Variants in AHI1 observed in about 807,000 individuals in gnomAD.
AHI1 encodes the protein jouberin.
A neutral mutation model predicts 149.3 loss-of-function variants in AHI1; 123 were observed. The observed-to-expected ratio is 0.82, with a 90% CI of 0.71 to 0.96. The LOEUF (loss-of-function observed/expected upper bound fraction) is 0.96, where lower values mean the gene tolerates loss of function less well. Among genes scored for constraint, AHI1 ranks in the 40% least tolerant of loss-of-function variants. The pLI, the probability that AHI1 is intolerant of heterozygous loss-of-function variation, is 0.00. For synonymous variants in AHI1, 475 were observed against 459.8 expected (o/e 1.03, Z -0.42); for missense variants, 1,439 against 1,422.7 (o/e 1.01, Z -0.18).
At position 135,404,886 on chromosome 6, in the gene AHI1, A is replaced by C. The variant is rs1341314884; in HGVS notation, c.2988+65T>G. ...AGGTTCCAAACTCTATGAATGGTGC[A>C]TTCCAGTTCTTTGGAGCATCACTAT... On this transcript the variant is annotated intron_variant, in intron 22 of 28. Coordinates refer to ENST00000265602, the MANE Select transcript of AHI1 (RefSeq NM_001134831.2). 7.7e-6 allele frequency: 11 copies of C among 1,432,276 alleles called. No individual in the cohort carries two copies. The Middle Eastern group carries it at 1.0e-3, about 136-fold the overall frequency. 88.7% of individuals were successfully genotyped at this position (1,432,276 alleles called of 1,614,324 possible).
At position 135,290,446 on chromosome 6, in the gene AHI1, CTGCT is replaced by C; in HGVS notation, c.3561_3564del (p.Gly1189GlufsTer5). On this transcript the variant is annotated frameshift_variant, in exon 28 of 29. Coordinates refer to ENST00000265602, the MANE Select transcript of AHI1 (RefSeq NM_001134831.2). LOFTEE classifies it high-confidence loss of function. ...ACCTCTATTAGAGTGACTTTTCTGC[CTGCT>C]TGCTTGTTCTTCCTCATCCGTGTAT... The C allele has an allele frequency of 1.9e-6, 3 of 1,608,780 alleles. No homozygotes were observed. Among genetic ancestry groups the C allele is most frequent in the Non-Finnish European group, 2.6e-6 (3 of 1,175,210 alleles).
intron 20 of AHI1, among the ~76,000 whole-genome samples, chr6:135,424,268 C>A (rs1308847324): frequency 6.6e-6 from 1 of 151,888 alleles, no homozygotes; most frequent in Non-Finnish European, 1.5e-5. Flanking sequence ...AAGATTATTG[C>A]AGAAACTTAA....
At chr6:135,350,850 G>C (rs1477261248) in intron 24 of AHI1, among the ~76,000 whole-genome samples, 1 of 152,110 alleles carries the variant, frequency 6.6e-6, no homozygotes, top group Non-Finnish European at 1.5e-5. Context: ...ACAGACAGCA[G>C]ATCATGCAAA....
chr6:135,413,333 G>C (rs1256077665), intron 20 of AHI1, among the ~76,000 whole-genome samples: 2 of 152,070 alleles, frequency 1.3e-5, no homozygotes, highest in Middle Eastern at 3.2e-3. Context: ...TCATATTTAA[G>C]ACTTAAATAT....
At chr6:135,478,562 TAAAG>T (rs1482970108) in intron 5 of AHI1, among the ~76,000 whole-genome samples, 2 of 152,274 alleles carry the variant, frequency 1.3e-5, no homozygotes, top group East Asian at 3.9e-4. Context: ...CTCATTTGCA[TAAAG>T]AAAGAAATGA....
At chr6:135,294,827 C>A (rs1283115517) in intron 27 of AHI1, among the ~76,000 whole-genome samples, 1 of 151,538 alleles carries the variant, frequency 6.6e-6, no homozygotes, top group Non-Finnish European at 1.5e-5. Context: ...TATAAAACTT[C>A]TACAAGAAAA....
intron 5 of AHI1, among the ~76,000 whole-genome samples, chr6:135,475,068 AG>A: frequency 6.6e-6 from 1 of 152,340 alleles, no homozygotes; most frequent in African/African-American, 2.4e-5. Flanking sequence ...TTTTAACTAC[AG>A]ATTCCGTTTT....
Position 135,285,607 on chromosome 6 carries a change from CTG to C in AHI1, c.*36_*37del, listed in dbSNP as rs1781577961. On this transcript the variant is annotated 3_prime_UTR_variant, in exon 29 of 29. Coordinates refer to ENST00000265602, the MANE Select transcript of AHI1 (RefSeq NM_001134831.2). ...TCCATTTGGTTTGTCATTTTCACCTCTGTGCATTTCGGCAGCTCTTAACTTTT... is the reference window on the plus strand; with the variant it reads ...TCCATTTGGTTTGTCATTTTCACCTCTGCATTTCGGCAGCTCTTAACTTTT... The C allele has an allele frequency of 6.2e-7, 1 of 1,604,352 alleles. No individual in the cohort carries two copies. Among genetic ancestry groups the C allele is most frequent in the Non-Finnish European group, 8.5e-7 (1 of 1,173,580 alleles).
chr6:135,315,606 T>C (rs1378121855), intron 26 of AHI1, among the ~76,000 whole-genome samples: 1 of 152,168 alleles, frequency 6.6e-6, no homozygotes, highest in Non-Finnish European at 1.5e-5. Context: ...ATGCCCTAGA[T>C]GCTGAGAAGA....
chr6:135,470,792 T>A (rs1791563142), intron 5 of AHI1, among the ~76,000 whole-genome samples: 1 of 146,702 alleles, frequency 6.8e-6, no homozygotes. Flanking sequence ...TGTCAGGGAG[T>A]TTGGGGGAGG....
chr6:135,328,666 T>C (rs369587750), intron 24 of AHI1, among the ~76,000 whole-genome samples: 53 of 152,176 alleles, frequency 3.5e-4, no homozygotes, highest in African/African-American at 1.3e-3. Context: ...AATAACTCTA[T>C]AATGGCCCCT....
At chr6:135,458,890 C>T (rs992590302) in intron 8 of AHI1, among the ~76,000 whole-genome samples, 1 of 151,962 alleles carries the variant, frequency 6.6e-6, no homozygotes, top group Non-Finnish European at 1.5e-5. Flanking sequence ...TAAAGAAGGG[C>T]GCTGCATTAT....
chr6:135,361,800 A>G (rs1296774030), intron 23 of AHI1, among the ~76,000 whole-genome samples: 1 of 151,954 alleles, frequency 6.6e-6, no homozygotes, highest in African/African-American at 2.4e-5. Flanking sequence ...GTATGTGTGT[A>G]TCTTTGGATT....
intron 2 of AHI1, among the ~76,000 whole-genome samples, chr6:135,496,334 TA>T (rs1795958930): frequency 6.6e-6 from 1 of 152,172 alleles, no homozygotes; most frequent in Non-Finnish European, 1.5e-5. Context: ...GCCAGGCTGA[TA>T]CTGAACTCCT....
chr6:135,483,426 A>C (rs564102247), intron 5 of AHI1, among the ~76,000 whole-genome samples: 1 of 152,230 alleles, frequency 6.6e-6, no homozygotes, highest in South Asian at 2.1e-4. Flanking sequence ...AATGTAATTC[A>C]TAAGATGAAG....
intron 23 of AHI1, chr6:135,387,709 A>G: frequency 1.0e-6 from 1 of 971,974 alleles, no homozygotes; most frequent in Non-Finnish European, 1.3e-6. Flanking sequence ...GTATCTTAAA[A>G]TATCTTCCAC....
chr6:135,374,834 T>C (rs1775661369), intron 23 of AHI1, among the ~76,000 whole-genome samples: 1 of 152,198 alleles, frequency 6.6e-6, no homozygotes, highest in African/African-American at 2.4e-5. Context: ...TTACCATACT[T>C]TGAAAGTAAC....
chr6:135,324,309 C>T (rs1012645), intron 24 of AHI1, among the ~76,000 whole-genome samples: 82,228 of 151,452 alleles, frequency 0.54, 22,371 homozygotes, highest in Middle Eastern at 0.64. Flanking sequence ...GCCTGGGTGA[C>T]GCAGGAAGAC....
At chr6:135,364,040 C>G in intron 23 of AHI1, among the ~76,000 whole-genome samples, 1 of 150,812 alleles carries the variant, frequency 6.6e-6, no homozygotes. Context: ...CCCCTCACCT[C>G]CCGGACAGGG....
Sources: gnomAD v4.1 joint callset for allele counts (sites outside exome capture counted in the v4.1 genomes callset) on GRCh38, gnomAD v4.1.1 for gene constraint, MANE v1.5 for transcripts, NCBI Gene and HGNC (gene_info 2026-07-23, HGNC 2026-07-21) for gene names.